Variants in EPGN observed in about 807,000 individuals in gnomAD.
EPGN encodes epigen.
A neutral mutation model predicts 20.7 loss-of-function variants in EPGN; 21 were observed. That is an observed-to-expected ratio of 1.01 (90% CI 0.72 to 1.46). The LOEUF is 1.46. EPGN is among the 40% of genes most tolerant of loss of function. EPGN has a pLI of 0.00. For synonymous variants in EPGN, 69 were observed against 63.8 expected (o/e 1.08, Z -0.39); for missense variants, 199 against 180.7 (o/e 1.10, Z -0.58).
At chr4:74,313,282 A>G in intron 4 of EPGN, 112 bp downstream of exon 4, 1 of 1,428,258 alleles carries the variant, frequency 7.0e-7, no homozygotes, top group Non-Finnish European at 9.1e-7. Flanking sequence ...TAATTAAAAA[A>G]GAGCTGTAAT....
chr4:74,308,874 A>G (rs978070185), intron 1 of EPGN, among the ~76,000 whole-genome samples: 1 of 152,208 alleles, frequency 6.6e-6, no homozygotes, highest in Admixed American at 6.5e-5. Flanking sequence ...AAATGTATCA[A>G]TGGTCTTAAA....
intron 4 of EPGN, 21 bp from the exon 5 acceptor site, chr4:74,314,559 G>A (rs1751174322): frequency 1.3e-6 from 2 of 1,535,564 alleles, no homozygotes; most frequent in Non-Finnish European, 1.7e-6. Context: ...AATTCATATG[G>A]AAACCAATGC....
intron 2 of EPGN, among the ~76,000 whole-genome samples, 169 bp downstream of exon 2, chr4:74,309,351 G>A (rs148794486): frequency 8.4e-4 from 128 of 152,294 alleles, no homozygotes; most frequent in African/African-American, 2.9e-3. Flanking sequence ...AATGTGCCAG[G>A]AAATAATTGC....
At chr4:74,309,479 G>C (rs1750751472) in intron 2 of EPGN, among the ~76,000 whole-genome samples, 1 of 152,126 alleles carries the variant, frequency 6.6e-6, no homozygotes, top group South Asian at 2.1e-4. Context: ...TAACCCCTGT[G>C]TGTACAGAGA....
chr4:74,314,271 A>G, intron 4 of EPGN: 1 of 500,616 alleles, frequency 2.0e-6, no homozygotes, highest in South Asian at 1.8e-5. Context: ...TCTCCCAAGG[A>G]GATGAGGCAT....
chr4:74,314,344 G>A, intron 4 of EPGN: 1 of 583,272 alleles, frequency 1.7e-6, no homozygotes, highest in Non-Finnish European at 3.1e-6. Flanking sequence ...ACAGGGGCTT[G>A]TAATCTCCCA....
intron 4 of EPGN, chr4:74,313,642 G>A (rs1041847752): frequency 2.0e-6 from 2 of 990,464 alleles, no homozygotes; most frequent in South Asian, 4.7e-5. Context: ...TCAACTGGGG[G>A]TATCTTCAGA....
intron 2 of EPGN, among the ~76,000 whole-genome samples, chr4:74,311,508 A>G (rs1750950675): frequency 6.6e-6 from 1 of 152,202 alleles, no homozygotes; most frequent in Non-Finnish European, 1.5e-5. Context: ...CAAGGCAAAT[A>G]TGGTATACCT....
Position 74,314,670 on chromosome 4 carries a change from G to A in EPGN, c.*33G>A, listed in dbSNP as rs1220506123. The A allele has an allele frequency of 2.0e-6, 3 of 1,527,258 alleles. No individual in the cohort carries two copies. The highest frequency in any genetic ancestry group is 2.6e-6 in the Non-Finnish European group (3 of 1,139,718). 94.6% of individuals were successfully genotyped at this position (1,527,258 alleles called of 1,614,324 possible). A position where few individuals can be genotyped will look rare whatever the true frequency, so the allele number is the denominator to read the frequency against. ...GTGAAGAATTTTCATCAAGGCATCTGTAGAGATCAGTGAGCCCAAAATTAA... is the reference window on the plus strand; with the variant it reads ...GTGAAGAATTTTCATCAAGGCATCTATAGAGATCAGTGAGCCCAAAATTAA... On this transcript the variant is annotated 3_prime_UTR_variant, in exon 5 of 5. Coordinates refer to ENST00000413830, the MANE Select transcript of EPGN (RefSeq NM_001270989.2).
intron 2 of EPGN, among the ~76,000 whole-genome samples, chr4:74,310,015 G>T (rs192739028): frequency 7.2e-5 from 11 of 152,244 alleles, no homozygotes; most frequent in African/African-American, 2.4e-4. Flanking sequence ...TTAAATGATT[G>T]TCTCGAAATA....
chr4:74,308,658 G>A, intron 1 of EPGN, 82 bp downstream of exon 1: 1 of 1,232,326 alleles, frequency 8.1e-7, no homozygotes, highest in Non-Finnish European at 1.1e-6. Flanking sequence ...TTAGAGAGAA[G>A]TTGGCTTCTA....
rs960401995 is a variant in EPGN at position 74,316,400 on chromosome 4, A to G, written c.*1763A>G. Among the ~76,000 whole-genome samples the G allele has an allele frequency of 6.6e-5, 10 of 152,332 alleles. No homozygotes were observed. The highest frequency in any genetic ancestry group is 2.2e-4 in the African/African-American group (9 of 41,592). On this transcript the variant is annotated 3_prime_UTR_variant, in exon 5 of 5. Coordinates refer to ENST00000413830, the MANE Select transcript of EPGN (RefSeq NM_001270989.2). ...AGTGGTGAAAAGAGGATCAAACTTG[A>G]CTATTCTTGCAATGGCAGTCCAGCA...
intron 1 of EPGN, 49 bp from the exon 2 acceptor site, chr4:74,309,044 A>C (rs772594359): frequency 7.6e-7 from 1 of 1,317,918 alleles, no homozygotes; most frequent in Non-Finnish European, 1.1e-6. Context: ...TGTTGCTTGT[A>C]CATAGAAGGA....
At chr4:74,312,358 C>A in intron 3 of EPGN, 53 bp downstream of exon 3, 2 of 1,567,542 alleles carry the variant, frequency 1.3e-6, no homozygotes, top group Non-Finnish European at 1.7e-6. Flanking sequence ...GTTTATGTCT[C>A]TGTTGTTTCA....
rs758446226 is a variant in EPGN at position 74,312,998 on chromosome 4, C to CT, written c.255-13dup. The stretch of plus-strand genomic sequence containing the variant: ...TACCACCGTAGGTTTTAAAATTAAA[C>CT]TTTTTTTCTTTTTTTAAAGGTGTTT... On this transcript the variant is annotated intron_variant, in intron 3 of 4. Transcript: ENST00000413830. The CT allele has an allele frequency of 4.7e-5, 73 of 1,565,366 alleles. No homozygotes were observed. The highest frequency in any genetic ancestry group is 3.6e-4 in the African/African-American group (26 of 71,932).
rs1033320067 is a variant in EPGN, at chr4:74,316,098, A to G, written c.*1461A>G. 2.0e-5 allele frequency among the ~76,000 whole-genome samples: 3 copies of G among 152,186 alleles called. No individual in the cohort carries two copies. Among genetic ancestry groups the G allele is most frequent in the African/African-American group, 7.2e-5 (3 of 41,450 alleles). On this transcript the variant is annotated 3_prime_UTR_variant, in exon 5 of 5. Coordinates refer to ENST00000413830, the MANE Select transcript of EPGN (RefSeq NM_001270989.2). ...CTTAGCTCTAAAACTTGACAGTGGA[A>G]TAAGGAAATGTTTTTCCAAATCTGC... is the stretch of plus-strand genomic sequence containing the variant.
chr4:74,314,683 A>G lies in EPGN; in HGVS notation c.*46A>G. 5 of 1,503,026 alleles carry G rather than the reference A, an allele frequency of 3.3e-6. No homozygotes were observed. Among genetic ancestry groups the G allele is most frequent in the Non-Finnish European group, 4.4e-6 (5 of 1,123,776 alleles). 93.1% of individuals were successfully genotyped at this position (1,503,026 alleles called of 1,614,324 possible). A position where few individuals can be genotyped will look rare whatever the true frequency, so the allele number is the denominator to read the frequency against. On this transcript the variant is annotated 3_prime_UTR_variant, in exon 5 of 5. Transcript: ENST00000413830. ...ATCAAGGCATCTGTAGAGATCAGTG[A>G]GCCCAAAATTAAAGTTTTCAGATGA...
At chr4:74,309,589 G>C (rs1014013368) in intron 2 of EPGN, among the ~76,000 whole-genome samples, 1 of 151,978 alleles carries the variant, frequency 6.6e-6, no homozygotes, top group Non-Finnish European at 1.5e-5. Flanking sequence ...AAGATGAACA[G>C]CACTTTCCCT....
chr4:74,313,798 G>A (rs1751122392), intron 4 of EPGN, among the ~76,000 whole-genome samples: 1 of 152,102 alleles, frequency 6.6e-6, no homozygotes, highest in East Asian at 1.9e-4. Context: ...AATAAAGTGA[G>A]ATACCCTAAC....
Sources: gnomAD v4.1 joint callset for allele counts (sites outside exome capture counted in the v4.1 genomes callset) on GRCh38, gnomAD v4.1.1 for gene constraint, MANE v1.5 for transcripts, NCBI Gene and HGNC (gene_info 2026-07-23, HGNC 2026-07-21) for gene names.